FDX1: variants seen among roughly 807,000 people sequenced by gnomAD.
The protein encoded by FDX1 is ferredoxin 1, also known as adrenodoxin, mitochondrial.
In FDX1, 9 loss-of-function variants were observed where a neutral mutation model predicts 14.9. The ratio of observed to expected loss-of-function variants is 0.60; its 90% CI spans 0.36 to 1.05. The LOEUF (loss-of-function observed/expected upper bound fraction) is 1.05. FDX1 is among the 50% of genes least tolerant of loss of function. FDX1 has a pLI of 0.01. For synonymous variants in FDX1, 92 were observed against 99.4 expected, an observed-to-expected ratio of 0.93 and a Z score of 0.44; for missense variants, 204 against 237.2, an observed-to-expected ratio of 0.86 and a Z score of 0.92.
At chr11:110,429,594 A>T (rs1259299391), upstream of FDX1, among the ~76,000 whole-genome samples, 1 of 152,136 alleles carries the variant, frequency 6.6e-6, no homozygotes, top group African/African-American at 2.4e-5. Context: ...ATTTTCCAAA[A>T]TTTCCCACTG....
At chr11:110,441,039 A>G (rs535599599) in intron 2 of FDX1, among the ~76,000 whole-genome samples, 2 of 152,276 alleles carry the variant, frequency 1.3e-5, no homozygotes, top group East Asian at 1.9e-4. Context: ...AGATCTGACA[A>G]TTTTATAAGA....
At chr11:110,442,362 A>G (rs899271774) in intron 2 of FDX1, among the ~76,000 whole-genome samples, 2 of 152,222 alleles carry the variant, frequency 1.3e-5, no homozygotes, top group African/African-American at 4.8e-5. Context: ...CAGACACTCA[A>G]TGCCAGCCCA....
chr11:110,448,586 T>C (rs943711726), intron 2 of FDX1, among the ~76,000 whole-genome samples: 7 of 152,190 alleles, frequency 4.6e-5, no homozygotes, highest in African/African-American at 1.7e-4. Context: ...TCTGACTTTC[T>C]CTAGGAATTA....
chr11:110,441,312 C>A (rs1463790083), intron 2 of FDX1, among the ~76,000 whole-genome samples: 4 of 152,160 alleles, frequency 2.6e-5, no homozygotes, highest in Non-Finnish European at 5.9e-5. Context: ...ACTTTGGAAC[C>A]AGGTAACAGG....
chr11:110,447,818 T>G (rs1363261125), intron 2 of FDX1, among the ~76,000 whole-genome samples: 1 of 152,238 alleles, frequency 6.6e-6, no homozygotes, highest in Non-Finnish European at 1.5e-5. Flanking sequence ...GAACCCATTA[T>G]TCTCTTTCTC....
intron 1 of FDX1, among the ~76,000 whole-genome samples, chr11:110,433,486 T>C (rs147666522): frequency 1.1e-3 from 161 of 152,350 alleles, no homozygotes; most frequent in Admixed American, 2.1e-3. Context: ...CTAAAACCTT[T>C]TGGTCTACCT....
At chr11:110,430,385 C>T in intron 1 of FDX1, 80 bp downstream of exon 1, 14 of 1,006,492 alleles carry the variant, frequency 1.4e-5, no homozygotes, top group Non-Finnish European at 1.7e-5. Flanking sequence ...GGCCGAGTCT[C>T]TGGTTCCAGT....
chr11:110,432,036 C>T (rs1170706666), intron 1 of FDX1, among the ~76,000 whole-genome samples: 1 of 152,138 alleles, frequency 6.6e-6, no homozygotes, highest in Non-Finnish European at 1.5e-5. Flanking sequence ...TCTCAGTAGC[C>T]ACATGTGGCT....
chr11:110,445,100 C>G (rs1012041639), intron 2 of FDX1, among the ~76,000 whole-genome samples: 2 of 151,954 alleles, frequency 1.3e-5, no homozygotes, highest in Admixed American at 6.6e-5. Flanking sequence ...GCTTATTTTT[C>G]TGATGAGGTA....
chr11:110,458,800 G>T (rs571751265), intron 3 of FDX1, among the ~76,000 whole-genome samples: 1 of 152,120 alleles, frequency 6.6e-6, no homozygotes, highest in African/African-American at 2.4e-5. Flanking sequence ...TAGAGACGGG[G>T]TTTCACCATG....
intron 3 of FDX1, among the ~76,000 whole-genome samples, chr11:110,458,378 T>G (rs953085972): frequency 1.3e-5 from 2 of 152,164 alleles, no homozygotes; most frequent in African/African-American, 4.8e-5. Context: ...AGCATTTTAG[T>G]AGAAATACTT....
intron 2 of FDX1, among the ~76,000 whole-genome samples, chr11:110,445,927 T>C (rs1023742255): frequency 6.6e-6 from 1 of 152,210 alleles, no homozygotes; most frequent in Non-Finnish European, 1.5e-5. Flanking sequence ...AATTTAACAC[T>C]TCATATCATC....
chr11:110,450,356 A>G (rs1946478533), intron 2 of FDX1, among the ~76,000 whole-genome samples: 2 of 151,972 alleles, frequency 1.3e-5, no homozygotes, highest in Non-Finnish European at 1.5e-5. Flanking sequence ...GGTGCACCCT[A>G]GATCCCCCAC....
intron 3 of FDX1, among the ~76,000 whole-genome samples, chr11:110,457,865 T>C (rs1182828397): frequency 1.3e-5 from 2 of 152,236 alleles, no homozygotes; most frequent in Non-Finnish European, 2.9e-5. Flanking sequence ...TTGTATTTAT[T>C]TAGAGAAGAA....
At position 110,464,146 on chromosome 11, in the gene FDX1, C is replaced by T. The variant is rs115421165; in HGVS notation, c.*1678C>T. 3 of 151,976 alleles carry T rather than the reference C, an allele frequency of 2.0e-5. No individual in the cohort carries two copies. The highest frequency in any genetic ancestry group is 2.0e-4 in the Admixed American group (3 of 15,248). The allele number at this position is 151,976 out of a possible 1,614,324, so 9.4% of individuals were successfully genotyped here. ...CAGGCTGGTCTTGAACTTTTGAGCT[C>T]GAGTGATCCACCCACCTCAGCCTCC... On this transcript the variant is annotated 3_prime_UTR_variant, in exon 4 of 4. Coordinates refer to ENST00000260270, the MANE Select transcript of FDX1 (RefSeq NM_004109.5).
intron 2 of FDX1, among the ~76,000 whole-genome samples, chr11:110,455,911 T>C (rs1454949148): frequency 6.6e-6 from 1 of 152,188 alleles, no homozygotes; most frequent in East Asian, 1.9e-4. Context: ...TGTCGGTTTC[T>C]TTGTCAGGAG....
chr11:110,442,085 CAAGAACTG>C (rs2134680069), intron 2 of FDX1, among the ~76,000 whole-genome samples: 2 of 152,326 alleles, frequency 1.3e-5, no homozygotes, highest in South Asian at 4.1e-4. Context: ...GTACAGAAGT[CAAGAACTG>C]GGGCTTGGGA....
chr11:110,439,476 G>A (rs1173922303), intron 2 of FDX1, among the ~76,000 whole-genome samples: 1 of 152,116 alleles, frequency 6.6e-6, no homozygotes, highest in Non-Finnish European at 1.5e-5. Context: ...CAAAGTGCTG[G>A]GATTACAGGT....
intron 2 of FDX1, among the ~76,000 whole-genome samples, chr11:110,445,734 C>T (rs947205705): frequency 2.0e-5 from 3 of 152,152 alleles, no homozygotes; most frequent in Non-Finnish European, 2.9e-5. Flanking sequence ...CTAACCTACT[C>T]ATAACTCATC....
Sources: allele counts gnomAD v4.1 joint callset (sites outside exome capture counted in the v4.1 genomes callset), GRCh38; gene constraint gnomAD v4.1.1; transcripts MANE v1.5; gene names NCBI Gene and HGNC (gene_info 2026-07-23, HGNC 2026-07-21).